Variants in CHCHD6 observed in about 807,000 individuals in gnomAD.
CHCHD6 encodes the protein MICOS complex subunit MIC25.
In CHCHD6, 28 loss-of-function variants were observed where a neutral mutation model predicts 32.3. The ratio of observed to expected loss-of-function variants is 0.87; its 90% confidence interval spans 0.64 to 1.19. The LOEUF is 1.19. Ranked by LOEUF, CHCHD6 falls within the 50% of genes most tolerant of loss-of-function variation. The pLI, the probability that CHCHD6 is intolerant of heterozygous loss-of-function variation, is 0.00. For missense variants in CHCHD6, 333 were observed against 307.0 expected, an observed-to-expected ratio of 1.08 and a Z score of -0.63; for synonymous variants, 122 against 117.5, an observed-to-expected ratio of 1.04 and a Z score of -0.25.
rs386397861 is a variant in CHCHD6, at chr3:126,934,536, C to CTTT, written c.566+19814_566+19816dup. Among the ~76,000 whole-genome samples the CTTT allele has an allele frequency of 1.9e-3, 108 of 58,250 alleles. 16 individuals carry two copies. The highest frequency in any genetic ancestry group is 6.6e-3 in the African/African-American group (92 of 14,006). 38.2% of individuals were successfully genotyped at this position (58,250 alleles called of 152,430 possible). ...CTTGGAATGCACCCTCCCCTCTCTGCTTTTTTTTTTTTTTTTTTTTTTTTT... is the reference window on the plus strand; with the variant it reads ...CTTGGAATGCACCCTCCCCTCTCTGCTTTTTTTTTTTTTTTTTTTTTTTTTTTT... On this transcript the variant is annotated intron_variant, in intron 6 of 7. Transcript: ENST00000290913.
chr3:126,909,958 A>T (rs2078062817), intron 5 of CHCHD6, among the ~76,000 whole-genome samples: 1 of 152,216 alleles, frequency 6.6e-6, no homozygotes, highest in Non-Finnish European at 1.5e-5. Context: ...GCCATCATCC[A>T]CACAGCTGCC....
intron 6 of CHCHD6, among the ~76,000 whole-genome samples, chr3:126,940,770 A>G (rs1330275379): frequency 6.6e-6 from 1 of 152,210 alleles, no homozygotes; most frequent in African/African-American, 2.4e-5. Flanking sequence ...GGAGAAAAAT[A>G]CCCTCACTTT....
intron 4 of CHCHD6, among the ~76,000 whole-genome samples, chr3:126,789,920 C>T (rs546623707): frequency 3.6e-4 from 54 of 152,030 alleles, no homozygotes; most frequent in Middle Eastern, 3.4e-3. Flanking sequence ...TTCCTAGTCT[C>T]GATGGTCTTT....
chr3:126,839,633 C>T (rs934821608), intron 4 of CHCHD6, among the ~76,000 whole-genome samples: 4 of 152,112 alleles, frequency 2.6e-5, no homozygotes, highest in African/African-American at 9.7e-5. Context: ...ACCCCCTCAC[C>T]CCACAACCCA....
At chr3:126,860,042 G>T (rs570093017) in intron 5 of CHCHD6, among the ~76,000 whole-genome samples, 1 of 152,064 alleles carries the variant, frequency 6.6e-6, no homozygotes, top group Non-Finnish European at 1.5e-5. Flanking sequence ...TGGAAGAGCC[G>T]CCACCTGCCT....
chr3:126,820,444 C>T (rs1940098866), intron 4 of CHCHD6, among the ~76,000 whole-genome samples: 1 of 152,194 alleles, frequency 6.6e-6, no homozygotes, highest in Non-Finnish European at 1.5e-5. Context: ...GGTTTGCCTG[C>T]TCTTGCGCTC....
chr3:126,836,189 A>G (rs1940854592), intron 4 of CHCHD6, among the ~76,000 whole-genome samples: 1 of 152,224 alleles, frequency 6.6e-6, no homozygotes, highest in African/African-American at 2.4e-5. Flanking sequence ...GTTAGGCCCC[A>G]GCCTGTTTTT....
chr3:126,837,074 G>A (rs1231555203), intron 4 of CHCHD6, among the ~76,000 whole-genome samples: 2 of 152,124 alleles, frequency 1.3e-5, no homozygotes, highest in African/African-American at 4.8e-5. Context: ...TATCATCCTT[G>A]TGCCCTAGAA....
At chr3:126,898,794 C>T (rs1309134362) in intron 5 of CHCHD6, among the ~76,000 whole-genome samples, 2 of 152,222 alleles carry the variant, frequency 1.3e-5, no homozygotes, top group Non-Finnish European at 2.9e-5. Flanking sequence ...CCTCCTCGGC[C>T]TCCCAAAGTG....
chr3:126,771,642 A>G (rs758099656), intron 4 of CHCHD6, among the ~76,000 whole-genome samples: 14 of 151,986 alleles, frequency 9.2e-5, no homozygotes, highest in South Asian at 4.2e-4. Flanking sequence ...ATTTCTTTCA[A>G]TTCAGCTCTG....
chr3:126,803,092 C>G (rs189812862), intron 4 of CHCHD6, among the ~76,000 whole-genome samples: 38 of 152,124 alleles, frequency 2.5e-4, no homozygotes, highest in South Asian at 2.1e-3. Context: ...ACAACTAGTA[C>G]CAACCACTGC....
intron 5 of CHCHD6, among the ~76,000 whole-genome samples, chr3:126,896,019 G>C (rs1036888491): frequency 1.3e-5 from 2 of 152,210 alleles, no homozygotes; most frequent in African/African-American, 4.8e-5. Context: ...CGGGGTCTCT[G>C]TGCCCCCAGG....
intron 4 of CHCHD6, among the ~76,000 whole-genome samples, chr3:126,797,588 A>C (rs1240652184): frequency 6.6e-6 from 1 of 152,140 alleles, no homozygotes; most frequent in Non-Finnish European, 1.5e-5. Flanking sequence ...TTGTTTTTCA[A>C]ATGTATTTTT....
chr3:126,789,786 ACT>A (rs1357257736), intron 4 of CHCHD6, among the ~76,000 whole-genome samples: 3 of 151,618 alleles, frequency 2.0e-5, no homozygotes, highest in Non-Finnish European at 2.9e-5. Flanking sequence ...CCAATTTGCC[ACT>A]CTCTGTCTTT....
At chr3:126,752,940 C>T (rs997599920) in intron 4 of CHCHD6, among the ~76,000 whole-genome samples, 12 of 152,024 alleles carry the variant, frequency 7.9e-5, no homozygotes, top group African/African-American at 2.2e-4. Context: ...TCCTAGACCT[C>T]GTAAGTCACA....
chr3:126,790,465 A>G (rs1183795250), intron 4 of CHCHD6, among the ~76,000 whole-genome samples: 1 of 152,202 alleles, frequency 6.6e-6, no homozygotes, highest in Non-Finnish European at 1.5e-5. Flanking sequence ...TACACCAATC[A>G]GACGTAGATT....
intron 1 of CHCHD6, among the ~76,000 whole-genome samples, chr3:126,719,862 G>T (rs1935195507): frequency 1.3e-5 from 2 of 151,996 alleles, no homozygotes; most frequent in Admixed American, 1.3e-4. Context: ...CCTTGCCTGG[G>T]CTGCACTATC....
At chr3:126,893,651 C>T (rs891086261) in intron 5 of CHCHD6, among the ~76,000 whole-genome samples, 41 of 152,222 alleles carry the variant, frequency 2.7e-4, no homozygotes, top group African/African-American at 9.9e-4. Context: ...TGAAAGGAAC[C>T]CCCAGAGCCA....
chr3:126,913,839 G>A (rs1412053074), intron 5 of CHCHD6, among the ~76,000 whole-genome samples: 2 of 152,318 alleles, frequency 1.3e-5, no homozygotes, highest in East Asian at 3.9e-4. Context: ...GTGGACCTGG[G>A]CCTTTGTGGC....
Sources: gnomAD v4.1 joint callset for allele counts (sites outside exome capture counted in the v4.1 genomes callset) on GRCh38, gnomAD v4.1.1 for gene constraint, MANE v1.5 for transcripts, NCBI Gene and HGNC (gene_info 2026-07-23, HGNC 2026-07-21) for gene names.